The following BMPER variants were observed in gnomAD, a reference collection of about 807,000 sequenced individuals.
The protein encoded by BMPER is BMP-binding endothelial regulator protein.
In BMPER, 45 loss-of-function variants were observed where a neutral mutation model predicts 87.3. The ratio of observed to expected loss-of-function variants is 0.52; its 90% confidence interval spans 0.41 to 0.66. The LOEUF is 0.66. Ranked by LOEUF, BMPER falls within the 30% of genes least tolerant of loss-of-function variation. The pLI, the probability that BMPER is intolerant of heterozygous loss-of-function variation, is 0.00. For missense variants in BMPER, 784 were observed against 867.5 expected (o/e 0.90, Z 1.21); for synonymous variants, 326 against 316.2 (o/e 1.03, Z -0.33).
intron 6 of BMPER, among the ~76,000 whole-genome samples, chr7:34,026,660 T>C (rs1343024159): frequency 6.6e-6 from 1 of 152,120 alleles, no homozygotes; most frequent in Non-Finnish European, 1.5e-5. Context: ...TGTTTATTTA[T>C]ACAAGTGCTT....
intron 3 of BMPER, among the ~76,000 whole-genome samples, chr7:33,962,678 C>G (rs1785300435): frequency 6.6e-6 from 1 of 152,172 alleles, no homozygotes; most frequent in South Asian, 2.1e-4. Flanking sequence ...GTGATTTTAT[C>G]AGAACATTAC....
intron 2 of BMPER, among the ~76,000 whole-genome samples, chr7:33,930,294 A>C (rs2128607168): frequency 6.6e-6 from 1 of 151,826 alleles, no homozygotes; most frequent in African/African-American, 2.4e-5. Context: ...ACTGCCTTTT[A>C]TTTTTTTCTT....
chr7:34,101,891 T>C (rs969364), intron 13 of BMPER, among the ~76,000 whole-genome samples: 149,070 of 152,336 alleles, frequency 0.98, 73,030 homozygotes, highest in East Asian at 1. Context: ...GGCACTGTCA[T>C]TTTCCTTTGC....
intron 2 of BMPER, among the ~76,000 whole-genome samples, chr7:33,915,497 C>T (rs1762175052): frequency 6.6e-6 from 1 of 152,056 alleles, no homozygotes; most frequent in African/African-American, 2.4e-5. Flanking sequence ...GGTGTGGGGG[C>T]CTGAATGTAT....
intron 3 of BMPER, among the ~76,000 whole-genome samples, chr7:33,955,131 A>G (rs773371722): frequency 4.6e-4 from 70 of 152,320 alleles, no homozygotes; most frequent in Non-Finnish European, 8.2e-4. Context: ...TCTCGATCTC[A>G]GGTGATTTGC....
At chr7:33,975,720 A>G (rs1785670007) in intron 6 of BMPER, among the ~76,000 whole-genome samples, 1 of 152,198 alleles carries the variant, frequency 6.6e-6, no homozygotes, top group Non-Finnish European at 1.5e-5. Context: ...TATGCATCTC[A>G]GAATATTAAA....
chr7:33,937,688 C>T (rs1784640953), intron 3 of BMPER: 1 of 412,794 alleles, frequency 2.4e-6, no homozygotes, highest in African/African-American at 2.2e-5. Context: ...ACCACCATGC[C>T]TCTGCATATT....
intron 14 of BMPER, among the ~76,000 whole-genome samples, chr7:34,151,825 T>A (rs1791184067): frequency 6.6e-6 from 1 of 152,204 alleles, no homozygotes; most frequent in South Asian, 2.1e-4. Context: ...TTGGTTTTAT[T>A]TAGATGTTTT....
chr7:34,049,408 CTGTT>C (rs1403283857), intron 7 of BMPER, among the ~76,000 whole-genome samples: 3 of 152,246 alleles, frequency 2.0e-5, no homozygotes, highest in Non-Finnish European at 4.4e-5. Flanking sequence ...ATTGAAGAGT[CTGTT>C]TGTCAATCAG....
chr7:34,132,770 A>G (rs1000056993), intron 13 of BMPER, among the ~76,000 whole-genome samples: 2 of 152,128 alleles, frequency 1.3e-5, no homozygotes, highest in Non-Finnish European at 2.9e-5. Context: ...GAATATTAGT[A>G]CTGTGGAGAC....
intron 6 of BMPER, among the ~76,000 whole-genome samples, chr7:33,991,503 CTCTT>C (rs1562674284): frequency 6.6e-6 from 1 of 152,110 alleles, no homozygotes; most frequent in Non-Finnish European, 1.5e-5. Context: ...TGATTCTTCT[CTCTT>C]TTTTTCTTTA....
chr7:34,142,611 G>T (rs542446328), intron 13 of BMPER, among the ~76,000 whole-genome samples: 3 of 152,198 alleles, frequency 2.0e-5, no homozygotes, highest in South Asian at 4.1e-4. Flanking sequence ...GCTTTATTTA[G>T]AATTTGTCAC....
chr7:34,108,534 A>G (rs1269960686), intron 13 of BMPER, among the ~76,000 whole-genome samples: 1 of 152,170 alleles, frequency 6.6e-6, no homozygotes, highest in Non-Finnish European at 1.5e-5. Context: ...TGACATACAG[A>G]GCATGTGGTT....
intron 14 of BMPER, among the ~76,000 whole-genome samples, chr7:34,146,040 T>C (rs1361133016): frequency 1.3e-5 from 2 of 151,670 alleles, no homozygotes; most frequent in East Asian, 1.9e-4. Flanking sequence ...CTCTCACATA[T>C]ACACACACAC....
At chr7:33,947,625 A>G (rs1429128981) in intron 3 of BMPER, among the ~76,000 whole-genome samples, 2 of 152,212 alleles carry the variant, frequency 1.3e-5, no homozygotes, top group Non-Finnish European at 2.9e-5. Context: ...AATGAGGTCA[A>G]CTGCCCTAGG....
intron 12 of BMPER, among the ~76,000 whole-genome samples, chr7:34,084,075 G>A (rs531335392): frequency 2.0e-5 from 3 of 151,514 alleles, no homozygotes; most frequent in East Asian, 1.9e-4. Flanking sequence ...AAGCCAAGGC[G>A]AGTGGATTGC....
chr7:34,022,395 C>G (rs1301447474), intron 6 of BMPER, among the ~76,000 whole-genome samples: 1 of 151,830 alleles, frequency 6.6e-6, no homozygotes, highest in Non-Finnish European at 1.5e-5. Flanking sequence ...CGCATTTCTA[C>G]AGCCTCTTAG....
intron 13 of BMPER, among the ~76,000 whole-genome samples, chr7:34,117,688 A>G (rs17169653): frequency 0.023 from 3,492 of 152,286 alleles, 120 homozygotes; most frequent in African/African-American, 0.078. Context: ...GGGTCTCTGA[A>G]AAGTTTTTGC....
At chr7:34,016,659 T>C (rs906645211) in intron 6 of BMPER, among the ~76,000 whole-genome samples, 1 of 152,038 alleles carries the variant, frequency 6.6e-6, no homozygotes, top group Non-Finnish European at 1.5e-5. Flanking sequence ...TCACCTCACC[T>C]GTATTGGATG....
Sources: gnomAD v4.1 joint callset for allele counts (sites outside exome capture counted in the v4.1 genomes callset) on GRCh38, gnomAD v4.1.1 for gene constraint, MANE v1.5 for transcripts, NCBI Gene and HGNC (gene_info 2026-07-23, HGNC 2026-07-21) for gene names.